GLIS3: variants seen among roughly 807,000 people sequenced by gnomAD.
GLIS3 encodes the protein zinc finger protein GLIS3.
A neutral mutation model predicts 78.6 loss-of-function variants in GLIS3; 53 were observed. The observed-to-expected ratio is 0.67, with a 90% CI of 0.54 to 0.85. The LOEUF is 0.85. Ranked by LOEUF, GLIS3 falls within the 40% of genes least tolerant of loss-of-function variation. The pLI is 0.00. For missense variants in GLIS3, 1,703 were observed against 1,231.1 expected, an observed-to-expected ratio of 1.38 and a Z score of -5.74; for synonymous variants, 684 against 509.9, an observed-to-expected ratio of 1.34 and a Z score of -4.60.
Position 3,824,968 on chromosome 9 carries a change from A to G in GLIS3, c.*3304T>C, listed in dbSNP as rs1447435236. 1 of 152,068 alleles carries G rather than the reference A, an allele frequency of 6.6e-6. No homozygotes were observed. Among genetic ancestry groups the G allele is most frequent in the Non-Finnish European group, 1.5e-5 (1 of 68,008 alleles). 9.4% of individuals were successfully genotyped at this position (152,068 alleles called of 1,614,324 possible). On this transcript the variant is annotated 3_prime_UTR_variant, in exon 11 of 11. Coordinates refer to ENST00000381971, the MANE Select transcript of GLIS3 (RefSeq NM_001042413.2). ...CGCAGAAATTCCACACCACTAACAA[A>G]AAGTGCTATTTAAAAATGCTTCCAT...
chr9:4,180,046 G>A (rs763822372), intron 2 of GLIS3, among the ~76,000 whole-genome samples: 5 of 152,120 alleles, frequency 3.3e-5, no homozygotes, highest in South Asian at 2.1e-4. Flanking sequence ...GCCATTTGAC[G>A]GATACCTGAC....
chr9:3,898,779 C>G lies in GLIS3; in HGVS notation c.2040G>C (p.Gln680His). 1.9e-6 allele frequency: 3 copies of G among 1,614,204 alleles called. No individual in the cohort carries two copies. In the South Asian group the frequency reaches 3.3e-5, roughly 18 times the overall value. ...PDLLTDCLTVQSLQPATSPRD... is the reference protein window; with the variant it reads ...PDLLTDCLTVHSLQPATSPRD... ...TAGGGGAAGTGGCCGGCTGCAGGGACTGCACGGTGAGGCAATCTGTGAGCA... is the reference window on the plus strand; with the variant it reads ...TAGGGGAAGTGGCCGGCTGCAGGGAGTGCACGGTGAGGCAATCTGTGAGCA... Residue 680 changes from glutamine (Q) to histidine (H), a missense_variant, in exon 7 of 11, where the codon CAG (glutamine) becomes CAC (histidine). Coordinates refer to ENST00000381971, the MANE Select transcript of GLIS3 (RefSeq NM_001042413.2).
the GLIS3 span, among the ~76,000 whole-genome samples, chr9:4,358,853 C>A: frequency 2.6e-5 from 4 of 152,180 alleles, no homozygotes; most frequent in Non-Finnish European, 5.9e-5. Flanking sequence ...TTAGTAATGA[C>A]CAGAGTCATC....
At chr9:3,919,668 T>TA (rs1002232917) in intron 6 of GLIS3, among the ~76,000 whole-genome samples, 88 of 148,802 alleles carry the variant, frequency 5.9e-4, no homozygotes, top group African/African-American at 1.6e-3. Flanking sequence ...AAATTAAAAA[T>TA]AAAAAAAAAT....
chr9:4,125,655 T>TGC (rs71324283), intron 3 of GLIS3, 79 bp downstream of exon 3: 1 of 910,958 alleles, frequency 1.1e-6, no homozygotes, highest in African/African-American at 1.6e-5. Context: ...TGTGTGTGTG[T>TGC]ATTCAGAAAG....
intron 2 of GLIS3, among the ~76,000 whole-genome samples, chr9:4,161,167 G>A (rs1306620162): frequency 2.6e-5 from 4 of 151,956 alleles, no homozygotes; most frequent in African/African-American, 7.2e-5. Flanking sequence ...CGGCTACTCA[G>A]GAGACAGAGG....
chr9:4,005,137 T>C (rs1821440347), intron 4 of GLIS3, among the ~76,000 whole-genome samples: 1 of 152,212 alleles, frequency 6.6e-6, no homozygotes, highest in Non-Finnish European at 1.5e-5. Context: ...TTGGTATTCT[T>C]TGAGGCACCC....
chr9:3,950,997 G>C (rs571545395), intron 4 of GLIS3, among the ~76,000 whole-genome samples: 3 of 152,280 alleles, frequency 2.0e-5, no homozygotes, highest in African/African-American at 7.2e-5. Flanking sequence ...CAAACTTACA[G>C]AACAGACCCT....
intron 2 of GLIS3, among the ~76,000 whole-genome samples, chr9:4,174,574 TCTAA>T (rs1436009661): frequency 1.4e-4 from 21 of 152,346 alleles, no homozygotes; most frequent in African/African-American, 4.1e-4. Flanking sequence ...TAATCAATTA[TCTAA>T]CTGACATTTT....
Position 4,307,980 on chromosome 9 carries a change from G to A in GLIS3, n.584+797C>T, listed in dbSNP as rs149965518. On this transcript the variant is annotated intron_variant and non_coding_transcript_variant, in intron 4 of 4. Coordinates refer to the GLIS3 transcript ENST00000471664. ...AACTTGTGACAGCAGCAACAGAAAA[G>A]TAATGCACTTTCTCAACTTTCCTCT... Among the ~76,000 whole-genome samples, 30 of 152,280 alleles carry A rather than the reference G, an allele frequency of 2.0e-4. No individual in the cohort carries two copies. In the East Asian group the frequency reaches 4.1e-3, roughly 21 times the overall value.
chr9:3,955,483 A>G (rs947439010), intron 4 of GLIS3, among the ~76,000 whole-genome samples: 1 of 152,204 alleles, frequency 6.6e-6, no homozygotes, highest in South Asian at 2.1e-4. Flanking sequence ...GGCCTGCTTC[A>G]AGAGGCTGTT....
intron 4 of GLIS3, among the ~76,000 whole-genome samples, chr9:3,954,918 C>G (rs1816987691): frequency 6.6e-6 from 1 of 152,144 alleles, no homozygotes; most frequent in South Asian, 2.1e-4. Flanking sequence ...ATCCAAAATG[C>G]ATGACAATTC....
At chr9:4,305,282 G>T (rs987434877) in intron 4 of GLIS3, 1 of 152,188 alleles carries the variant, frequency 6.6e-6, no homozygotes, top group African/African-American at 2.4e-5. Flanking sequence ...AAGAAGAGTG[G>T]ACTTTGGAAT....
chr9:3,877,937 A>G (rs1330419332), intron 8 of GLIS3, among the ~76,000 whole-genome samples: 2 of 152,158 alleles, frequency 1.3e-5, no homozygotes, highest in Admixed American at 1.3e-4. Flanking sequence ...CTTCACTCCT[A>G]GCAGGATAAG....
At chr9:3,994,387 G>T (rs1280809054) in intron 4 of GLIS3, among the ~76,000 whole-genome samples, 1 of 152,172 alleles carries the variant, frequency 6.6e-6, no homozygotes, top group African/African-American at 2.4e-5. Context: ...AAGAGAGGCT[G>T]CAGTTTTGAC....
At chr9:4,394,156 C>T in the GLIS3 span, among the ~76,000 whole-genome samples, 11 of 150,032 alleles carry the variant, frequency 7.3e-5, no homozygotes, top group South Asian at 2.1e-4. Context: ...GATTGCTAAC[C>T]GTGAGGACCC....
chr9:4,145,195 G>A (rs535099361), intron 2 of GLIS3: 36 of 152,294 alleles, frequency 2.4e-4, no homozygotes, highest in African/African-American at 8.4e-4. Context: ...GAGGTCAGTG[G>A]GCAAGTCTTT....
intron 8 of GLIS3, among the ~76,000 whole-genome samples, chr9:3,874,878 T>G (rs546016194): frequency 1.4e-4 from 21 of 152,328 alleles, no homozygotes; most frequent in Middle Eastern, 3.4e-3. Context: ...AAGCCCTTCA[T>G]AAGCCTCTCC....
chr9:4,463,638 T>A, the GLIS3 span, among the ~76,000 whole-genome samples: 1 of 152,148 alleles, frequency 6.6e-6, no homozygotes, highest in African/African-American at 2.4e-5. Flanking sequence ...TTAACCCGAA[T>A]AAACCTCAAA....
Sources: gnomAD v4.1 joint callset for allele counts (sites outside exome capture counted in the v4.1 genomes callset) on GRCh38, gnomAD v4.1.1 for gene constraint, MANE v1.5 for transcripts, NCBI Gene and HGNC (gene_info 2026-07-23, HGNC 2026-07-21) for gene names.